The following SPATA17 variants were observed in gnomAD, a reference collection of about 807,000 sequenced individuals.
SPATA17 encodes the protein spermatogenesis associated 17, also known as spermatogenesis-associated protein 17.
A neutral mutation model predicts 62.2 loss-of-function variants in SPATA17; 53 were observed. The observed-to-expected ratio is 0.85, with a 90% CI of 0.68 to 1.07. The LOEUF (loss-of-function observed/expected upper bound fraction) is 1.07, where lower values mean the gene tolerates loss of function less well. Ranked by LOEUF, SPATA17 falls within the 50% of genes least tolerant of loss-of-function variation. The pLI is 0.00. For missense variants in SPATA17, 466 were observed against 425.5 expected, an observed-to-expected ratio of 1.10 and a Z score of -0.84; for synonymous variants, 146 against 146.8, an observed-to-expected ratio of 0.99 and a Z score of 0.04.
chr1:217,748,294 C>A (rs1209752241), intron 6 of SPATA17, among the ~76,000 whole-genome samples: 1 of 128,914 alleles, frequency 7.8e-6, no homozygotes, highest in African/African-American at 2.8e-5. Flanking sequence ...CAGAGCGAGA[C>A]TCCATCTCAA....
chr1:217,778,986 T>C (rs1290314716), intron 7 of SPATA17, among the ~76,000 whole-genome samples: 3 of 152,076 alleles, frequency 2.0e-5, no homozygotes, highest in Non-Finnish European at 4.4e-5. Context: ...ATGTATGGAA[T>C]GCATAGGCAG....
chr1:217,823,191 T>A (rs924481505), intron 9 of SPATA17, among the ~76,000 whole-genome samples: 4 of 151,980 alleles, frequency 2.6e-5, no homozygotes, highest in Non-Finnish European at 2.9e-5. Context: ...CATAGAAAAC[T>A]AAATTTTGAT....
intron 9 of SPATA17, among the ~76,000 whole-genome samples, chr1:217,806,969 G>A (rs556160238): frequency 6.6e-6 from 1 of 152,106 alleles, no homozygotes; most frequent in South Asian, 2.1e-4. Flanking sequence ...TAATAATAAT[G>A]TATACTTGTA....
intron 4 of SPATA17, among the ~76,000 whole-genome samples, chr1:217,673,759 C>T (rs1049342897): frequency 2.0e-5 from 3 of 152,086 alleles, no homozygotes; most frequent in Non-Finnish European, 4.4e-5. Context: ...AGTCCGGTTC[C>T]TGGCAATATT....
intron 5 of SPATA17, among the ~76,000 whole-genome samples, chr1:217,735,474 A>G (rs1039758717): frequency 6.6e-6 from 1 of 152,160 alleles, no homozygotes; most frequent in Non-Finnish European, 1.5e-5. Context: ...ATGCCATCAC[A>G]TTTAGGATTT....
At chr1:217,828,388 A>G (rs1675050745) in intron 9 of SPATA17, among the ~76,000 whole-genome samples, 1 of 151,772 alleles carries the variant, frequency 6.6e-6, no homozygotes, top group Non-Finnish European at 1.5e-5. Flanking sequence ...AAAAGAATGA[A>G]ATTGGATGCT....
intron 8 of SPATA17, among the ~76,000 whole-genome samples, chr1:217,796,328 G>T (rs1674150842): frequency 6.6e-6 from 1 of 151,938 alleles, no homozygotes; most frequent in African/African-American, 2.4e-5. Flanking sequence ...GAAATTTGTT[G>T]CATAGATGTA....
intron 9 of SPATA17, among the ~76,000 whole-genome samples, chr1:217,847,619 T>C (rs1056781803): frequency 6.6e-6 from 1 of 152,210 alleles, no homozygotes; most frequent in Non-Finnish European, 1.5e-5. Flanking sequence ...TGCATTCTAA[T>C]ATGTTTTAGT....
At position 217,666,792 on chromosome 1, in the gene SPATA17, T is replaced by G. The variant is rs114814444; in HGVS notation, c.241-2241T>G. 5.9e-5 allele frequency among the ~76,000 whole-genome samples: 9 copies of G among 152,252 alleles called. No individual in the cohort carries two copies. In the South Asian group the frequency reaches 1.4e-3, roughly 25 times the overall value. On this transcript the variant is annotated intron_variant, in intron 3 of 10. Transcript: ENST00000366933. ...TGAATTAGACTATTCTAGTACCTCA[T>G]GTAAGTGGAATAATAAAATATTTTG...
rs866865686 is a variant in SPATA17 at position 217,845,554 on chromosome 1, T to C, written c.1006-17220T>C. Among the ~76,000 whole-genome samples the C allele has an allele frequency of 5.3e-5, 8 of 152,230 alleles. No individual in the cohort carries two copies. The Middle Eastern group carries it at 0.014, about 259-fold the overall frequency. ...GTGAGAGTGGGTTGCTTGACCTGTA[T>C]AAAACCCAGACTACTGCTTGGTTTC... On this transcript the variant is annotated intron_variant, in intron 9 of 10. Transcript: ENST00000366933.
In SPATA17 at chr1:217,744,462, CAAA is replaced by C. The variant is rs766645844; in HGVS notation, c.519+2385_519+2387del. ...TGGGCGACAGAGCGAGACTCCGTCT[CAAA>C]AAAAAAAAAAAAAAAAAAAAGAATT... On this transcript the variant is annotated intron_variant, in intron 6 of 10. Transcript: ENST00000366933. 1.2e-3 allele frequency among the ~76,000 whole-genome samples: 36 copies of C among 30,608 alleles called. 1 individual carries two copies. The highest frequency in any genetic ancestry group is 3.0e-3 in the African/African-American group (34 of 11,460). 20.1% of individuals were successfully genotyped at this position (30,608 alleles called of 152,430 possible).
At position 217,656,425 on chromosome 1, in the gene SPATA17, T is replaced by C. The variant is rs565793900; in HGVS notation, c.240+5247T>C. Among the ~76,000 whole-genome samples, 95 of 152,306 alleles carry C rather than the reference T, an allele frequency of 6.2e-4. 1 individual carries two copies. The highest frequency in any genetic ancestry group is 2.0e-3 in the African/African-American group (83 of 41,566). ...CACCAAATGATTCTCCAGATTTGGA[T>C]CTAATTTTTTTTTGCTTATTTTGAA... On this transcript the variant is annotated intron_variant, in intron 3 of 10. Transcript: ENST00000366933.
At position 217,744,477 on chromosome 1, in the gene SPATA17, A is replaced by AC. The variant is rs1357178736; in HGVS notation, c.519+2379_519+2380insC. ...GACTCCGTCTCAAAAAAAAAAAAAA[A>AC]AAAAAAAAGAATTTTCACAAACCTG... On this transcript the variant is annotated intron_variant, in intron 6 of 10. Coordinates refer to ENST00000366933, the MANE Select transcript of SPATA17 (RefSeq NM_138796.4). Among the ~76,000 whole-genome samples, 11 of 44,266 alleles carry AC rather than the reference A, an allele frequency of 2.5e-4. 4 individuals are homozygous for AC. The highest frequency in any genetic ancestry group is 2.7e-4 in the Non-Finnish European group (3 of 11,236). 29.0% of individuals were successfully genotyped at this position (44,266 alleles called of 152,430 possible).
intron 6 of SPATA17, among the ~76,000 whole-genome samples, chr1:217,752,451 C>A (rs1452240223): frequency 6.6e-6 from 1 of 152,142 alleles, no homozygotes; most frequent in Non-Finnish European, 1.5e-5. Context: ...CCTGAAACAG[C>A]TCTATGGCAT....
intron 5 of SPATA17, among the ~76,000 whole-genome samples, chr1:217,702,207 T>G (rs1268556385): frequency 1.3e-5 from 2 of 152,168 alleles, no homozygotes; most frequent in Admixed American, 1.3e-4. Flanking sequence ...GCAAATTCTA[T>G]TTGTACACAT....
intron 6 of SPATA17, among the ~76,000 whole-genome samples, chr1:217,772,960 T>TGGGAC (rs1286038194): frequency 6.6e-6 from 1 of 152,220 alleles, no homozygotes; most frequent in East Asian, 1.9e-4. Flanking sequence ...TGGGATGGGA[T>TGGGAC]GTTGCATTTG....
chr1:217,771,394 T>C (rs1002935336), intron 6 of SPATA17, among the ~76,000 whole-genome samples: 1 of 152,080 alleles, frequency 6.6e-6, no homozygotes, highest in African/African-American at 2.4e-5. Flanking sequence ...ACCCTGTCTT[T>C]TGTGACTCAT....
chr1:217,772,084 TTA>T (rs1237047467), intron 6 of SPATA17, among the ~76,000 whole-genome samples: 1 of 152,114 alleles, frequency 6.6e-6, no homozygotes, highest in Non-Finnish European at 1.5e-5. Context: ...TAGTTACACT[TTA>T]TGTCACAATA....
rs192939956 is a variant in SPATA17 at position 217,744,366 on chromosome 1, G to A, written c.519+2268G>A. 0.011 allele frequency among the ~76,000 whole-genome samples: 851 copies of A among 79,804 alleles called. 177 individuals are homozygous for A. In the East Asian group the frequency reaches 0.13, roughly 12 times the overall value. The allele number at this position is 79,804 out of a possible 152,430, so 52.4% of individuals were successfully genotyped here. Reference sequence around the variant, plus strand: ...TAGTCCCAGCTACTTGGGAGGCTGAGGCAGGAGAATGGCGTGAACCCGGGA... The same window carrying A: ...TAGTCCCAGCTACTTGGGAGGCTGAAGCAGGAGAATGGCGTGAACCCGGGA... On this transcript the variant is annotated intron_variant, in intron 6 of 10. Coordinates refer to ENST00000366933, the MANE Select transcript of SPATA17 (RefSeq NM_138796.4).
Sources: allele counts gnomAD v4.1 joint callset (sites outside exome capture counted in the v4.1 genomes callset), GRCh38; gene constraint gnomAD v4.1.1; transcripts MANE v1.5; gene names NCBI Gene and HGNC (gene_info 2026-07-23, HGNC 2026-07-21).